Variants in RERG observed in about 807,000 individuals in gnomAD.
The protein encoded by RERG is ras-related and estrogen-regulated growth inhibitor.
In RERG, 25 loss-of-function variants were observed where a neutral mutation model predicts 23.2. The observed-to-expected ratio is 1.08, with a 90% CI of 0.79 to 1.50. The LOEUF (loss-of-function observed/expected upper bound fraction) is 1.50, where lower values mean the gene tolerates loss of function less well. RERG is among the 40% of genes most tolerant of loss of function. The pLI is 0.00. For missense variants in RERG, 253 were observed against 250.1 expected, an observed-to-expected ratio of 1.01 and a Z score of -0.08; for synonymous variants, 81 against 89.1, an observed-to-expected ratio of 0.91 and a Z score of 0.51.
chr12:15,183,066 G>C (rs372908770), intron 2 of RERG, among the ~76,000 whole-genome samples: 1 of 152,062 alleles, frequency 6.6e-6, no homozygotes, highest in Admixed American at 6.6e-5. Flanking sequence ...GGGCAACAGA[G>C]AGAGACCCTG....
intron 2 of RERG, among the ~76,000 whole-genome samples, chr12:15,195,551 CTGTGTGTGTGTGTGTGTGTGTGTG>C (rs71042238): frequency 0.015 from 1,961 of 128,318 alleles, 23 homozygotes; most frequent in Non-Finnish European, 0.021. Context: ...GCAAGCTTGG[CTGTGTGTGTGTGTGTGTGTGTGTG>C]TGTGTGTGTG....
intron 2 of RERG, among the ~76,000 whole-genome samples, chr12:15,170,699 A>C (rs1043094385): frequency 3.9e-5 from 6 of 152,192 alleles, no homozygotes; most frequent in African/African-American, 1.4e-4. Flanking sequence ...GTGTGAAGGC[A>C]CACTGAGCAG....
intron 2 of RERG, among the ~76,000 whole-genome samples, chr12:15,191,895 C>G (rs12370068): frequency 0.12 from 17,620 of 152,158 alleles, 1,050 homozygotes; most frequent in South Asian, 0.17. Flanking sequence ...GACTTGTTAG[C>G]CACAAATCCC....
At chr12:15,128,546 TG>T in intron 2 of RERG, among the ~76,000 whole-genome samples, 1 of 152,270 alleles carries the variant, frequency 6.6e-6, no homozygotes, top group South Asian at 2.1e-4. Flanking sequence ...TAAAGATATG[TG>T]GGTAATTTTG....
chr12:15,215,124 A>G (rs1246299198), intron 2 of RERG, among the ~76,000 whole-genome samples: 1 of 152,254 alleles, frequency 6.6e-6, no homozygotes, highest in Admixed American at 6.5e-5. Context: ...TTCAAGGCAA[A>G]TAGAGAAAAC....
intron 2 of RERG, among the ~76,000 whole-genome samples, chr12:15,149,014 G>A (rs1482032718): frequency 2.6e-5 from 4 of 151,188 alleles, no homozygotes; most frequent in African/African-American, 7.3e-5. Flanking sequence ...GACTACAGGC[G>A]CCCGCCACCA....
At chr12:15,208,410 A>G (rs539659300) in intron 2 of RERG, among the ~76,000 whole-genome samples, 2 of 152,314 alleles carry the variant, frequency 1.3e-5, no homozygotes, top group East Asian at 3.9e-4. Flanking sequence ...TTTGGTCATA[A>G]TAAGGAGACT....
chr12:15,191,962 G>T (rs1004173688), intron 2 of RERG, among the ~76,000 whole-genome samples: 17 of 152,074 alleles, frequency 1.1e-4, no homozygotes, highest in African/African-American at 4.1e-4. Context: ...ATGAACAAAT[G>T]CCAAGTATCA....
At chr12:15,188,119 G>A (rs1467280246) in intron 2 of RERG, among the ~76,000 whole-genome samples, 2 of 152,112 alleles carry the variant, frequency 1.3e-5, no homozygotes, top group Non-Finnish European at 2.9e-5. Flanking sequence ...TACTAGGTTT[G>A]CAAGGCCACG....
In RERG at chr12:15,186,862, A is replaced by G. The variant is rs571527590; in HGVS notation, c.61+30567T>C. The stretch of plus-strand genomic sequence containing the variant: ...GAGTCGATGGCCCTGGGGACAGCCA[A>G]TATGATCCCAGTCAATGAATAATAC... On this transcript the variant is annotated intron_variant, in intron 2 of 4. Coordinates refer to ENST00000256953, the MANE Select transcript of RERG (RefSeq NM_032918.3). 5.7e-3 allele frequency among the ~76,000 whole-genome samples: 874 copies of G among 152,316 alleles called. 8 individuals are homozygous for G. The highest frequency in any genetic ancestry group is 0.02 in the African/African-American group (827 of 41,584).
intron 2 of RERG, among the ~76,000 whole-genome samples, chr12:15,196,545 C>G (rs906129604): frequency 5.3e-5 from 8 of 152,178 alleles, no homozygotes; most frequent in African/African-American, 1.9e-4. Flanking sequence ...AGGTCCTCAG[C>G]TCCCAAGACT....
At chr12:15,169,130 C>G (rs963841463) in intron 2 of RERG, among the ~76,000 whole-genome samples, 1 of 152,264 alleles carries the variant, frequency 6.6e-6, no homozygotes, top group Middle Eastern at 3.4e-3. Flanking sequence ...CAAACTTAAA[C>G]CTACAAGATC....
chr12:15,200,067 C>T (rs1865195335), intron 2 of RERG, among the ~76,000 whole-genome samples: 2 of 151,940 alleles, frequency 1.3e-5, no homozygotes, highest in South Asian at 4.1e-4. Flanking sequence ...TAGACAAAGG[C>T]ATTTGGTAGA....
At chr12:15,168,970 T>C (rs1864734625) in intron 2 of RERG, among the ~76,000 whole-genome samples, 1 of 152,224 alleles carries the variant, frequency 6.6e-6, no homozygotes, top group South Asian at 2.1e-4. Flanking sequence ...GGTCTGCTGA[T>C]ACACTAAAGG....
At position 15,137,094 on chromosome 12, in the gene RERG, T is replaced by A. The variant is rs980588637; in HGVS notation, c.62-15975A>T. Among the ~76,000 whole-genome samples, 4 of 151,984 alleles carry A rather than the reference T, an allele frequency of 2.6e-5. No individual in the cohort carries two copies. The East Asian group carries it at 7.7e-4, about 29-fold the overall frequency. Reference sequence around the variant, plus strand: ...ATTTTAATATATGGGCCTCTCTTTTTAGGCCCATATATATTAAATATTACT... The same window carrying A: ...ATTTTAATATATGGGCCTCTCTTTTAAGGCCCATATATATTAAATATTACT... On this transcript the variant is annotated intron_variant, in intron 2 of 4. Coordinates refer to ENST00000256953, the MANE Select transcript of RERG (RefSeq NM_032918.3).
intron 2 of RERG, among the ~76,000 whole-genome samples, chr12:15,209,939 A>G (rs1020315090): frequency 2.0e-5 from 3 of 152,188 alleles, no homozygotes; most frequent in African/African-American, 7.2e-5. Context: ...ATGTATGGAT[A>G]AGCTTTACAT....
chr12:15,137,788 T>C (rs1864168741), intron 2 of RERG: 2 of 420,802 alleles, frequency 4.8e-6, no homozygotes, highest in Non-Finnish European at 9.3e-6. Flanking sequence ...TGTTATTTGT[T>C]AGATAAATTA....
intron 2 of RERG, among the ~76,000 whole-genome samples, chr12:15,208,640 G>C (rs559191838): frequency 1.9e-4 from 29 of 152,208 alleles, no homozygotes; most frequent in African/African-American, 6.7e-4. Flanking sequence ...AGCTCTTCTA[G>C]AACTCAAAAT....
At chr12:15,190,209 G>T (rs1385039924) in intron 2 of RERG, among the ~76,000 whole-genome samples, 1 of 152,120 alleles carries the variant, frequency 6.6e-6, no homozygotes, top group South Asian at 2.1e-4. Context: ...GGTCCTCAGG[G>T]TTCCAGGGGT....
Sources: gnomAD v4.1 joint callset for allele counts (sites outside exome capture counted in the v4.1 genomes callset) on GRCh38, gnomAD v4.1.1 for gene constraint, MANE v1.5 for transcripts, NCBI Gene and HGNC (gene_info 2026-07-23, HGNC 2026-07-21) for gene names.